HEATR6: variants seen among roughly 807,000 people sequenced by gnomAD.
HEATR6 encodes the protein HEAT repeat-containing protein 6.
HEATR6 carries 106 observed loss-of-function variants against 132.8 expected under a neutral mutation model. The observed-to-expected ratio is 0.80, with a 90% CI of 0.68 to 0.94. The LOEUF (loss-of-function observed/expected upper bound fraction) is 0.94. Ranked by LOEUF, HEATR6 falls within the 40% of genes least tolerant of loss-of-function variation. The pLI is 0.00. For synonymous variants in HEATR6, 529 were observed against 537.8 expected, an observed-to-expected ratio of 0.98 and a Z score of 0.23; for missense variants, 1,339 against 1,425.1, an observed-to-expected ratio of 0.94 and a Z score of 0.97.
rs532211761 is a variant in HEATR6, at chr17:60,077,051, C to A, written c.220-814G>T. The stretch of plus-strand genomic sequence containing the variant: ...AGCACCTACTATGTGTCATAGTGTG[C>A]TAGGTCTTTGGGCTCCAAAGGTAAA... On this transcript the variant is annotated intron_variant, in intron 1 of 19. Coordinates refer to ENST00000184956, the MANE Select transcript of HEATR6 (RefSeq NM_022070.5). Among the ~76,000 whole-genome samples, 71 of 151,958 alleles carry A rather than the reference C, an allele frequency of 4.7e-4. 1 individual carries two copies. Among genetic ancestry groups the A allele is most frequent in the African/African-American group, 1.7e-3 (69 of 41,430 alleles).
chr17:60,074,106 T>A (rs1461292186), intron 2 of HEATR6: 13 of 1,253,482 alleles, frequency 1.0e-5, no homozygotes, highest in Non-Finnish European at 1.0e-5. Context: ...TTTAGTAAAG[T>A]AGAACTTGAT....
chr17:60,076,476 G>T (rs889552245), intron 1 of HEATR6: 11 of 423,096 alleles, frequency 2.6e-5, no homozygotes, highest in Non-Finnish European at 4.3e-5. Context: ...CAAAGCGGGA[G>T]GACTGCTTGA....
At position 60,047,242 on chromosome 17, in the gene HEATR6, T is replaced by C. The variant is rs936563079; in HGVS notation, c.2769+67A>G. The C allele has an allele frequency of 1.6e-5, 16 of 1,016,410 alleles. No individual in the cohort carries two copies. In the Admixed American group the frequency reaches 2.7e-4, roughly 17 times the overall value. 63.0% of individuals were successfully genotyped at this position (1,016,410 alleles called of 1,614,324 possible). A position where few individuals can be genotyped will look rare whatever the true frequency, so the allele number is the denominator to read the frequency against. Reference sequence around the variant, plus strand: ...TGAGGAACATCAAGCCACACTGAACTACCACACTGCAGCTACAATACATTA... The same window carrying C: ...TGAGGAACATCAAGCCACACTGAACCACCACACTGCAGCTACAATACATTA... On this transcript the variant is annotated intron_variant, in intron 18 of 19. Transcript: ENST00000184956.
At position 60,043,170 on chromosome 17, in the gene HEATR6, A is replaced by C. The variant is rs1021488711; in HGVS notation, c.*393T>G. On this transcript the variant is annotated 3_prime_UTR_variant, in exon 20 of 20. Transcript: ENST00000184956. Reference sequence around the variant, plus strand: ...CAGCTTGCTAGAAATACAACTTGGTAACAACAGGAGATTGTGGACACACTA... The same window carrying C: ...CAGCTTGCTAGAAATACAACTTGGTCACAACAGGAGATTGTGGACACACTA... 8.1e-6 allele frequency: 2 copies of C among 247,220 alleles called. No homozygotes were observed. The highest frequency in any genetic ancestry group is 1.2e-4 in the East Asian group (1 of 8,010). 15.3% of individuals were successfully genotyped at this position (247,220 alleles called of 1,614,324 possible).
chr17:60,054,897 A>G (rs1906694671), intron 14 of HEATR6, among the ~76,000 whole-genome samples: 1 of 152,170 alleles, frequency 6.6e-6, no homozygotes, highest in South Asian at 2.1e-4. Flanking sequence ...AGGCAGAATG[A>G]TATGGTTTGG....
chr17:60,055,445 C>A, intron 14 of HEATR6, 70 bp downstream of exon 14: 1 of 998,290 alleles, frequency 1.0e-6, no homozygotes, highest in Non-Finnish European at 1.5e-6. Context: ...CTCCATTTAT[C>A]ACTGAGCTTC....
At chr17:60,075,362 T>A (rs1406109051) in intron 2 of HEATR6, among the ~76,000 whole-genome samples, 1 of 152,204 alleles carries the variant, frequency 6.6e-6, no homozygotes, top group Non-Finnish European at 1.5e-5. Context: ...TTTTTATTTT[T>A]TTAAAAATTG....
chr17:60,070,670 C>T, intron 6 of HEATR6, 36 bp downstream of exon 6: 1 of 1,222,784 alleles, frequency 8.2e-7, no homozygotes, highest in Non-Finnish European at 1.2e-6. Flanking sequence ...TGGGTTGAAA[C>T]AGGAAAGACA....
intron 18 of HEATR6, 82 bp from the exon 19 acceptor site, chr17:60,046,311 CAGG>C (rs1352896877): frequency 9.0e-7 from 1 of 1,106,736 alleles, no homozygotes; most frequent in African/African-American, 1.6e-5. Flanking sequence ...TAAAAAAACC[CAGG>C]AGGTCTTCAA....
Position 60,067,543 on chromosome 17 carries a change from C to T in HEATR6, c.1129G>A (p.Ala377Thr). Residue 377 changes from alanine to threonine, a missense_variant, in exon 8 of 20, where the codon GCA becomes ACA. Transcript: ENST00000184956. ...QSLPLDGSGAAEKDGVSSSFS... is the reference protein window; with the variant it reads ...QSLPLDGSGATEKDGVSSSFS... ...GATGAGGAGACTCCATCTTTTTCTG[C>T]AGCTCCACTTCCATCTAAAGGCAAA... 1.2e-6 allele frequency: 2 copies of T among 1,613,378 alleles called. No individual in the cohort carries two copies. Among genetic ancestry groups the T allele is most frequent in the South Asian group, 1.1e-5 (1 of 90,950 alleles).
chr17:60,057,223 G>C lies in HEATR6; in HGVS notation c.1904C>G (p.Ser635Cys), dbSNP rs1422445549. ...TGAGCTAACTGACGTTTCTTCCAGA[G>C]AGGGTCCTGCAGGGGCTTTCTTCCA... ...DWWKKAPAGP[S>C]LEETSVSSPK... Residue 635 changes from serine to cysteine, a missense_variant, in exon 12 of 20, where the codon TCT becomes TGT. Transcript: ENST00000184956. The C allele has an allele frequency of 6.2e-6, 10 of 1,614,096 alleles. No homozygotes were observed. Among genetic ancestry groups the C allele is most frequent in the Non-Finnish European group, 8.5e-6 (10 of 1,180,050 alleles).
Position 60,070,777 on chromosome 17 carries a change from A to T in HEATR6, c.730T>A (p.Ser244Thr), listed in dbSNP as rs1345531659. 2 of 1,606,222 alleles carry T rather than the reference A, an allele frequency of 1.2e-6. No homozygotes were observed. Among genetic ancestry groups the T allele is most frequent in the Non-Finnish European group, 1.7e-6 (2 of 1,172,910 alleles). ...LLQNALKGIQ[S>T]LLNGGRMKLT... ...TTCATTCTCCCACCATTTAGAAGTG[A>T]CTGTATACCTTTTAATGCATTTTGC... The change falls in exon 6 of 20, where the codon TCA becomes ACA. Residue 244 changes from serine (S) to threonine (T), a missense_variant. Coordinates refer to ENST00000184956, the MANE Select transcript of HEATR6 (RefSeq NM_022070.5).
chr17:60,053,011 G>C (rs752492697), intron 14 of HEATR6, among the ~76,000 whole-genome samples: 8 of 152,160 alleles, frequency 5.3e-5, no homozygotes, highest in Non-Finnish European at 7.4e-5. Context: ...TTAAGTGGCT[G>C]ATATGGTTTG....
At chr17:60,051,172 T>G (rs1490989036) in intron 14 of HEATR6, among the ~76,000 whole-genome samples, 195 bp from the exon 15 acceptor site, 1 of 152,180 alleles carries the variant, frequency 6.6e-6, no homozygotes, top group African/African-American at 2.4e-5. Context: ...TCCTGTTGAT[T>G]AGGAGACTGC....
intron 9 of HEATR6, chr17:60,063,570 TTTC>T (rs2083223271): frequency 6.6e-6 from 1 of 152,294 alleles, no homozygotes; most frequent in Non-Finnish European, 1.5e-5. Flanking sequence ...ATTTCTAAGT[TTTC>T]TTCTCCCCAA....
chr17:60,057,307 C>T lies in HEATR6; in HGVS notation c.1820G>A (p.Cys607Tyr). ...ATTGCTATTACCGAGTCCAGAAGAA[C>T]ATGGCTGTTGCAGAAGTAGTTGGAC... ...PEVQLLLQQP[C>Y]SSGLGNSNSA... The change falls in exon 12 of 20, where the codon TGT becomes TAT. Residue 607 changes from cysteine (C) to tyrosine (Y), a missense_variant. Cys to Tyr is a radical substitution (Grantham distance 194, BLOSUM62 -2). Coordinates refer to ENST00000184956, the MANE Select transcript of HEATR6 (RefSeq NM_022070.5). 1 of 1,614,154 alleles carries T rather than the reference C, an allele frequency of 6.2e-7. No individual in the cohort carries two copies. Among genetic ancestry groups the T allele is most frequent in the Non-Finnish European group, 8.5e-7 (1 of 1,180,020 alleles).
rs761801657 is a variant in HEATR6 at position 60,046,171 on chromosome 17, T to C, written c.2828A>G (p.His943Arg). ...TTCTGCAAATGTGGGTTTTTCTATA[T>C]GAGAGGGTTGCAGAAAATGAAGCAA... ...GNLLHFLQPS[H>R]IEKPTFAEII... Residue 943 changes from histidine (H) to arginine (R), a missense_variant, in exon 19 of 20, where the codon CAT (histidine) becomes CGT (arginine). Physicochemically the swap from His to Arg is conservative, Grantham distance 29. Coordinates refer to ENST00000184956, the MANE Select transcript of HEATR6 (RefSeq NM_022070.5). 4 of 1,614,050 alleles carry C rather than the reference T, an allele frequency of 2.5e-6. No homozygotes were observed. In the South Asian group the frequency reaches 3.3e-5, roughly 13 times the overall value.
In HEATR6 at chr17:60,069,834, GT is replaced by G. The variant is rs764796583; in HGVS notation, c.815del (p.His272ProfsTer6). 3 of 1,613,602 alleles carry G rather than the reference GT, an allele frequency of 1.9e-6. No individual in the cohort carries two copies. Among genetic ancestry groups the G allele is most frequent in the Non-Finnish European group, 2.5e-6 (3 of 1,179,896 alleles). On this transcript the variant is annotated frameshift_variant, in exon 7 of 20. Coordinates refer to ENST00000184956, the MANE Select transcript of HEATR6 (RefSeq NM_022070.5). LOFTEE classifies it high-confidence loss of function. ...TCTCTATGTTTAGTCCAGGGAGTCC[GT>G]GAAACATGAATTTCTAATAATGATG... ...LLAVLKKFMF[H>X]GLPGLNIEMP...
At chr17:60,055,986 G>T in intron 13 of HEATR6, 129 bp downstream of exon 13, 1 of 1,141,656 alleles carries the variant, frequency 8.8e-7, no homozygotes. Flanking sequence ...ATCTCTTTAA[G>T]AAATCTCAGA....
Sources: gnomAD v4.1 joint callset for allele counts (sites outside exome capture counted in the v4.1 genomes callset) on GRCh38, gnomAD v4.1.1 for gene constraint, MANE v1.5 for transcripts, NCBI Gene and HGNC (gene_info 2026-07-23, HGNC 2026-07-21) for gene names.